Variants in ACOT1 observed in about 807,000 individuals in gnomAD.
ACOT1 encodes the protein acyl-CoA thioesterase 1, also known as acyl-coenzyme A thioesterase 1.
ACOT1 carries 8 observed loss-of-function variants against 15.7 expected under a neutral mutation model. That is an observed-to-expected ratio of 0.51 (90% CI 0.30 to 0.92). The LOEUF (loss-of-function observed/expected upper bound fraction) is 0.92. Ranked by LOEUF, ACOT1 falls within the 40% of genes least tolerant of loss-of-function variation. The probability of loss-of-function intolerance (pLI) is 0.06; values close to 1 mark genes in which losing one functional copy is unlikely to be tolerated. For synonymous variants in ACOT1, 67 were observed against 241.2 expected (o/e 0.28, Z 6.69); for missense variants, 151 against 539.4 (o/e 0.28, Z 7.13).
At chr14:73,522,070 A>G in the ACOT1 span, among the ~76,000 whole-genome samples, 1 of 152,224 alleles carries the variant, frequency 6.6e-6, no homozygotes, top group Admixed American at 6.5e-5. Flanking sequence ...AGCTCCCACA[A>G]CAAAAATTAT....
the ACOT1 span, among the ~76,000 whole-genome samples, chr14:73,524,749 T>C: frequency 3.2e-4 from 49 of 151,650 alleles, no homozygotes; most frequent in Admixed American, 1.8e-3. Flanking sequence ...ACTCACTTTG[T>C]TGGCCTTGCC....
intron 1 of ACOT1, among the ~76,000 whole-genome samples, 199 bp downstream of exon 1, chr14:73,538,077 T>A (rs1359610648): frequency 9.2e-6 from 1 of 108,418 alleles, no homozygotes; most frequent in Non-Finnish European, 2.0e-5. Flanking sequence ...TCCTCCCGCC[T>A]CTGCCTCCCC....
the ACOT1 span, among the ~76,000 whole-genome samples, chr14:73,525,721 A>G: frequency 6.6e-6 from 1 of 152,252 alleles, no homozygotes; most frequent in East Asian, 1.9e-4. Flanking sequence ...GGGAGGCTAA[A>G]TTGGGCAAAT....
the ACOT1 span, among the ~76,000 whole-genome samples, chr14:73,515,572 C>T: frequency 6.2e-5 from 9 of 146,268 alleles, no homozygotes; most frequent in African/African-American, 2.3e-4. Flanking sequence ...CCCAGCTACT[C>T]GGGATGCTGA....
At chr14:73,507,099 G>A in the ACOT1 span, among the ~76,000 whole-genome samples, 7 of 151,618 alleles carry the variant, frequency 4.6e-5, no homozygotes, top group Non-Finnish European at 8.8e-5. Context: ...CACCGTGCCC[G>A]GCCTTCTGTC....
chr14:73,519,218 C>T, the ACOT1 span: 1 of 1,543,436 alleles, frequency 6.5e-7, no homozygotes, highest in Non-Finnish European at 8.8e-7. Context: ...TTTCCTTTCT[C>T]CCTGGGTTCC....
the ACOT1 span, among the ~76,000 whole-genome samples, chr14:73,511,711 C>CCAAAAA: frequency 5.9e-5 from 9 of 151,938 alleles, no homozygotes; most frequent in African/African-American, 1.9e-4. Flanking sequence ...ACAGTCTCTA[C>CCAAAAA]CAAAAACAAA....
the ACOT1 span, among the ~76,000 whole-genome samples, chr14:73,528,392 C>CAAAAAAAAAAAAAAA: frequency 1.1e-5 from 1 of 88,516 alleles, no homozygotes; most frequent in Non-Finnish European, 2.0e-5. Flanking sequence ...AACTTCATCT[C>CAAAAAAAAAAAAAAA]AAAAAAAAAA....
At chr14:73,510,887 G>T in the ACOT1 span, among the ~76,000 whole-genome samples, 10 of 152,266 alleles carry the variant, frequency 6.6e-5, no homozygotes, top group South Asian at 1.2e-3. Flanking sequence ...GGTCCACAAA[G>T]GGCCTGCCTG....
chr14:73,490,978 C>T, the ACOT1 span: 11 of 1,319,244 alleles, frequency 8.3e-6, no homozygotes, highest in African/African-American at 1.2e-4. Context: ...TTAGCTTCGC[C>T]CCCGGCCGGC....
chr14:73,522,316 TG>T, the ACOT1 span: 6 of 1,614,188 alleles, frequency 3.7e-6, no homozygotes, highest in East Asian at 2.2e-5. Context: ...TCTTTTCCTG[TG>T]GGGGCAGGAT....
the ACOT1 span, among the ~76,000 whole-genome samples, chr14:73,501,950 T>TTAGGG: frequency 1.3e-5 from 2 of 152,000 alleles, no homozygotes; most frequent in East Asian, 1.9e-4. Context: ...TTTCACCATG[T>TTAGGG]TAGTCAGGAT....
the ACOT1 span, chr14:73,508,046 C>T: frequency 1.6e-6 from 2 of 1,271,664 alleles, no homozygotes; most frequent in Non-Finnish European, 2.3e-6. Flanking sequence ...GCCCCGGCCC[C>T]AGCTGCATTT....
At chr14:73,495,066 A>C in the ACOT1 span, among the ~76,000 whole-genome samples, 5 of 152,156 alleles carry the variant, frequency 3.3e-5, no homozygotes, top group African/African-American at 7.2e-5. Context: ...ACAAACAAAA[A>C]AAAAACACAA....
chr14:73,524,371 G>A, the ACOT1 span, among the ~76,000 whole-genome samples: 59 of 142,350 alleles, frequency 4.1e-4, no homozygotes, highest in African/African-American at 1.5e-3. Context: ...ATAGGTAAAT[G>A]GTTTTGACTC....
chr14:73,502,953 C>T, the ACOT1 span: 17 of 1,613,966 alleles, frequency 1.1e-5, no homozygotes, highest in South Asian at 1.8e-4. Flanking sequence ...TGTGCAGCTG[C>T]TCTCCTCACT....
At position 73,537,568 on chromosome 14, in the gene ACOT1, C is replaced by T. The variant is rs1322529662; in HGVS notation, c.147C>T (p.His49=). Residue 49 remains histidine, a synonymous_variant, in exon 1 of 3, where the codon CAC becomes CAT. Coordinates refer to ENST00000311148, the MANE Select transcript of ACOT1 (RefSeq NM_001037161.2). ...AGAAGGGCGCGCTTTTCCAGGCCCA[C>T]GCGCGCTACCGCGCCGACACCCTTG... ...RDEKGALFQA[H]ARYRADTLGE... is the part of the protein sequence containing the mutation. 6 of 1,213,708 alleles carry T rather than the reference C, an allele frequency of 4.9e-6. No homozygotes were observed. Among genetic ancestry groups the T allele is most frequent in the South Asian group, 1.4e-5 (1 of 69,450 alleles). The allele number at this position is 1,213,708 out of a possible 1,614,324, so 75.2% of individuals were successfully genotyped here. A position where few individuals can be genotyped will look rare whatever the true frequency, so the allele number is the denominator to read the frequency against.
the ACOT1 span, among the ~76,000 whole-genome samples, chr14:73,518,524 T>C: frequency 6.6e-6 from 1 of 152,158 alleles, no homozygotes; most frequent in Non-Finnish European, 1.5e-5. Context: ...TTGTGGAAGA[T>C]GTGCACATTT....
At chr14:73,506,502 G>C in the ACOT1 span, 1 of 1,613,762 alleles carries the variant, frequency 6.2e-7, no homozygotes, top group Non-Finnish European at 8.5e-7. Flanking sequence ...GAGAAAGCCT[G>C]GCAGGCCACA....
Sources: gnomAD v4.1 joint callset for allele counts (sites outside exome capture counted in the v4.1 genomes callset) on GRCh38, gnomAD v4.1.1 for gene constraint, MANE v1.5 for transcripts, NCBI Gene and HGNC (gene_info 2026-07-23, HGNC 2026-07-21) for gene names.